The following MORC4 variants were observed in gnomAD, a reference collection of about 807,000 sequenced individuals.
MORC4 encodes the protein MORC family CW-type zinc finger 4.
In MORC4, 22 loss-of-function variants were observed where a neutral mutation model predicts 65.5. That is an observed-to-expected ratio of 0.34 (90% CI 0.24 to 0.48). The LOEUF (loss-of-function observed/expected upper bound fraction) is 0.48, where lower values mean the gene tolerates loss of function less well. Among genes scored for constraint, MORC4 ranks in the 20% least tolerant of loss-of-function variants. MORC4 has a pLI of 0.99. For synonymous variants in MORC4, 267 were observed against 255.8 expected (o/e 1.04, Z -0.42); for missense variants, 624 against 703.0 (o/e 0.89, Z 1.27).
intron 3 of MORC4, among the ~76,000 whole-genome samples, chrX:106,986,673 A>G (rs1934877098): frequency 8.9e-6 from 1 of 111,929 alleles, no homozygotes; most frequent in Non-Finnish European, 1.9e-5. Context: ...ACCTGTTTAT[A>G]TCATCCTCTA....
Position 106,954,951 on chromosome X carries a change from T to A in MORC4, c.1647A>T (p.Gln549His). 8.3e-7 allele frequency: 1 copy of A among 1,210,232 alleles called. No individual in the cohort carries two copies. Among genetic ancestry groups the A allele is most frequent in the Non-Finnish European group, 1.1e-6 (1 of 895,038 alleles). The change falls in exon 14 of 17, where the codon CAA becomes CAT. Residue 549 changes from glutamine (Q) to histidine (H), a missense_variant. Physicochemically the swap from Gln to His is conservative, Grantham distance 24 (BLOSUM62 0). Coordinates refer to ENST00000355610, the MANE Select transcript of MORC4 (RefSeq NM_024657.5). The stretch of plus-strand genomic sequence containing the variant: ...AAACACTGGAATCCAGAGGCTTAAG[T>A]TGAAGAGATGGTGATCTGCTTTCTT... ...GGEESRSPSL[Q>H]LKPLDSSVLQ...
At chrX:106,971,544 A>C (rs1934510161) in intron 9 of MORC4, among the ~76,000 whole-genome samples, 1 of 112,500 alleles carries the variant, frequency 8.9e-6, no homozygotes, top group African/African-American at 3.2e-5. Context: ...ACAGAATGGG[A>C]GAAAAATTTT....
intron 2 of MORC4, among the ~76,000 whole-genome samples, chrX:106,998,061 G>A (rs1029076830): frequency 8.9e-6 from 1 of 112,322 alleles, no homozygotes; most frequent in Non-Finnish European, 1.9e-5. Flanking sequence ...CTACCACAGT[G>A]GCCTTGCGCA....
intron 2 of MORC4, among the ~76,000 whole-genome samples, chrX:106,995,037 G>C (rs181877870): frequency 9.0e-6 from 1 of 111,378 alleles, no homozygotes; most frequent in Admixed American, 9.5e-5. Context: ...AAAATATACA[G>C]TTAATTGTTA....
intron 9 of MORC4, among the ~76,000 whole-genome samples, chrX:106,962,831 A>C (rs941824068): frequency 1.8e-5 from 2 of 112,178 alleles, no homozygotes; most frequent in Non-Finnish European, 3.8e-5. Context: ...TCGAATTACT[A>C]ATTCCTATTT....
chrX:106,965,034 G>T (rs774978470), intron 9 of MORC4, among the ~76,000 whole-genome samples: 1 of 108,732 alleles, frequency 9.2e-6, no homozygotes, highest in African/African-American at 3.3e-5. Flanking sequence ...AGAAAGAAAA[G>T]ATAAAAATTT....
chrX:106,958,354 T>C lies in MORC4; in HGVS notation c.1367A>G (p.Asn456Ser). ...ACCTTACCTGTACTTTGGATGGGAA[T>C]TATAATAACAAAACCATCTTGCAGG... ...MLPARWFCYYNSHPKYRRCSV... is the reference protein window; with the variant it reads ...MLPARWFCYYSSHPKYRRCSV... Residue 456 changes from asparagine (N) to serine (S), a missense_variant, in exon 11 of 17, where the codon AAT (asparagine) becomes AGT (serine). Coordinates refer to ENST00000355610, the MANE Select transcript of MORC4 (RefSeq NM_024657.5). 1 of 1,206,025 alleles carries C rather than the reference T, an allele frequency of 8.3e-7. No individual in the cohort carries two copies. The highest frequency in any genetic ancestry group is 1.8e-5 in the South Asian group (1 of 56,120).
intron 14 of MORC4, among the ~76,000 whole-genome samples, chrX:106,949,328 T>C (rs1438568397): frequency 8.9e-6 from 1 of 112,173 alleles, no homozygotes; most frequent in African/African-American, 3.2e-5. Flanking sequence ...TGAATGTGTT[T>C]ACAACAGCTG....
At chrX:106,961,699 C>T (rs1444706090) in intron 10 of MORC4, among the ~76,000 whole-genome samples, 4 of 111,719 alleles carry the variant, frequency 3.6e-5, no homozygotes, top group South Asian at 3.8e-4. Flanking sequence ...AAATGGAACA[C>T]GGGAGGGAAC....
At chrX:106,950,173 G>C (rs912245746) in intron 14 of MORC4, among the ~76,000 whole-genome samples, 1 of 112,159 alleles carries the variant, frequency 8.9e-6, no homozygotes, top group African/African-American at 3.2e-5. Flanking sequence ...ACTATGATCC[G>C]AAGAGGGCTC....
chrX:106,992,726 C>T (rs909392152), intron 3 of MORC4, among the ~76,000 whole-genome samples: 5 of 111,772 alleles, frequency 4.5e-5, no homozygotes, highest in Non-Finnish European at 9.4e-5. Context: ...AATAAATCAC[C>T]CCAACTCCAA....
chrX:106,990,579 AATGGTATCTTC>A, intron 3 of MORC4, among the ~76,000 whole-genome samples: 1 of 112,555 alleles, frequency 8.9e-6, no homozygotes, highest in Non-Finnish European at 1.9e-5. Context: ...CTTTTAAATA[AATGGTATCTTC>A]ACCGGGCACG....
intron 13 of MORC4, among the ~76,000 whole-genome samples, chrX:106,955,451 T>C: frequency 9.0e-6 from 1 of 110,619 alleles, no homozygotes. Context: ...GGTGGGAAAA[T>C]GCACTGCAGC....
rs1229390389 is a variant in MORC4 at position 106,941,461 on chromosome X, G to T, written c.*18C>A. On this transcript the variant is annotated 3_prime_UTR_variant, in exon 17 of 17. Coordinates refer to ENST00000355610, the MANE Select transcript of MORC4 (RefSeq NM_024657.5). ...ACAGACAGAAGATAAGAGAAGAGAA[G>T]GGTATACAGTCTGGTGCTCAATCCA... The T allele has an allele frequency of 3.4e-6, 4 of 1,164,406 alleles. No homozygotes were observed. The African/African-American group carries it at 7.2e-5, about 21-fold the overall frequency.
At chrX:106,975,841 C>T (rs913181795) in intron 9 of MORC4, among the ~76,000 whole-genome samples, 4 of 110,765 alleles carry the variant, frequency 3.6e-5, no homozygotes, top group Non-Finnish European at 5.7e-5. Flanking sequence ...TTAAAGTTCT[C>T]CCCACTTTGC....
intron 14 of MORC4, among the ~76,000 whole-genome samples, chrX:106,943,763 T>G (rs1294856350): frequency 8.9e-6 from 1 of 112,622 alleles, no homozygotes; most frequent in African/African-American, 3.2e-5. Context: ...CTTGTAAAAG[T>G]TAATTGAATC....
rs761617610 is a variant in MORC4 at position 106,980,916 on chromosome X, T to C, written c.911A>G (p.Tyr304Cys). 5.8e-6 allele frequency: 7 copies of C among 1,206,716 alleles called. No homozygotes were observed. The Admixed American group carries it at 1.3e-4, about 23-fold the overall frequency. The change falls in exon 7 of 17, where the codon TAT (tyrosine) becomes TGT (cysteine). Residue 304 changes from tyrosine to cysteine, a missense_variant. By Grantham distance (194) the Tyr-to-Cys change is radical. Coordinates refer to ENST00000355610, the MANE Select transcript of MORC4 (RefSeq NM_024657.5). ...TGTGAAGGTAGGTTTATATGTATCATATTCTACATTGGCCAGGCTCTTGGC... is the reference window on the plus strand; with the variant it reads ...TGTGAAGGTAGGTTTATATGTATCACATTCTACATTGGCCAGGCTCTTGGC... Reference protein sequence around the residue: ...MIAKSLANVEYDTYKPTFTNK... With the variant: ...MIAKSLANVECDTYKPTFTNK...
chrX:106,949,787 G>A (rs1024976730), intron 14 of MORC4, among the ~76,000 whole-genome samples: 12 of 112,330 alleles, frequency 1.1e-4, no homozygotes, highest in Non-Finnish European at 1.7e-4. Flanking sequence ...AGACTTGGAG[G>A]TTACTACCAA....
At chrX:106,967,289 C>T (rs1327826381) in intron 9 of MORC4, among the ~76,000 whole-genome samples, 1 of 111,900 alleles carries the variant, frequency 8.9e-6, no homozygotes, top group Admixed American at 9.4e-5. Flanking sequence ...GACATCCACA[C>T]CAAAACCCCA....
Sources: gnomAD v4.1 joint callset for allele counts (sites outside exome capture counted in the v4.1 genomes callset) on GRCh38, gnomAD v4.1.1 for gene constraint, MANE v1.5 for transcripts, NCBI Gene and HGNC (gene_info 2026-07-23, HGNC 2026-07-21) for gene names.